MTA3: variants seen among roughly 807,000 people sequenced by gnomAD.
MTA3 encodes the protein metastasis associated 1 family member 3, also known as metastasis-associated protein MTA3.
MTA3 carries 34 observed loss-of-function variants against 83.5 expected under a neutral mutation model. That is an observed-to-expected ratio of 0.41 (90% CI 0.31 to 0.54). MTA3 has a LOEUF of 0.54. MTA3 is among the 20% of genes least tolerant of loss of function. The pLI is 0.33. For synonymous variants in MTA3, 303 were observed against 252.7 expected (o/e 1.20, Z -1.89); for missense variants, 761 against 726.4 (o/e 1.05, Z -0.55).
chr2:42,514,344 T>A (rs538019487), intron 2 of MTA3, among the ~76,000 whole-genome samples: 5 of 152,202 alleles, frequency 3.3e-5, no homozygotes, highest in Non-Finnish European at 5.9e-5. Context: ...ATACATATGC[T>A]TTTAAAATAT....
intron 2 of MTA3, among the ~76,000 whole-genome samples, chr2:42,525,094 G>A (rs1675625183): frequency 6.6e-6 from 1 of 151,186 alleles, no homozygotes; most frequent in Non-Finnish European, 1.5e-5. Context: ...ATCTCCTAAT[G>A]CTATCCCTCC....
At chr2:42,514,469 C>T (rs1477966727) in intron 2 of MTA3, among the ~76,000 whole-genome samples, 3 of 151,978 alleles carry the variant, frequency 2.0e-5, no homozygotes, top group African/African-American at 7.3e-5. Flanking sequence ...CTACAACCTC[C>T]ACCTCCAGGA....
rs745470004 is a variant in MTA3 at position 42,707,898 on chromosome 2, T to G, written c.1151-5T>G. 1.8e-5 allele frequency: 27 copies of G among 1,538,236 alleles called. No individual in the cohort carries two copies. The highest frequency in any genetic ancestry group is 1.8e-5 in the Non-Finnish European group (21 of 1,145,998). ...TCGTTTTTTCTTATTTTTCTTCTGCTTTAGCTACACAGTCTCACCAGTGGT... is the reference window on the plus strand; with the variant it reads ...TCGTTTTTTCTTATTTTTCTTCTGCGTTAGCTACACAGTCTCACCAGTGGT... On this transcript the variant is annotated splice_polypyrimidine_tract_variant and splice_region_variant and intron_variant, in intron 12 of 16. Coordinates refer to ENST00000405094, the MANE Select transcript of MTA3 (RefSeq NM_001330442.2).
chr2:42,570,691 T>C (rs544585982), intron 2 of MTA3, among the ~76,000 whole-genome samples, 187 bp downstream of exon 2: 2 of 151,968 alleles, frequency 1.3e-5, no homozygotes, highest in South Asian at 4.2e-4. Context: ...AGACCCTATC[T>C]CTTATTTTTT....
At position 42,665,764 on chromosome 2, in the gene MTA3, C is replaced by A. The variant is rs76114692; in HGVS notation, c.702+5902C>A. Among the ~76,000 whole-genome samples, 398 of 152,266 alleles carry A rather than the reference C, an allele frequency of 2.6e-3. 1 individual carries two copies. Among genetic ancestry groups the A allele is most frequent in the South Asian group, 4.8e-3 (23 of 4,816 alleles). Reference sequence around the variant, plus strand: ...TTTTGAGTTAGTTTGGAGCCTGATGCGCCTTCTAGAGAAGACTGTTTTACA... The same window carrying A: ...TTTTGAGTTAGTTTGGAGCCTGATGAGCCTTCTAGAGAAGACTGTTTTACA... On this transcript the variant is annotated intron_variant, in intron 8 of 16. Coordinates refer to ENST00000405094, the MANE Select transcript of MTA3 (RefSeq NM_001330442.2).
intron 2 of MTA3, among the ~76,000 whole-genome samples, chr2:42,553,445 T>G (rs1341162615): frequency 7.6e-6 from 1 of 131,116 alleles, no homozygotes; most frequent in African/African-American, 2.9e-5. Flanking sequence ...AAAATTAGGC[T>G]GGGTGTTGGG....
intron 8 of MTA3, among the ~76,000 whole-genome samples, chr2:42,662,800 C>T (rs1366237223): frequency 2.0e-5 from 3 of 150,556 alleles, no homozygotes; most frequent in African/African-American, 4.9e-5. Context: ...GGTGCGATCT[C>T]GGCTCACTGC....
intron 8 of MTA3, among the ~76,000 whole-genome samples, chr2:42,679,922 T>C (rs894961235): frequency 6.6e-6 from 1 of 152,086 alleles, no homozygotes; most frequent in Non-Finnish European, 1.5e-5. Flanking sequence ...ATTCTAAGTG[T>C]GTTTATAATA....
intron 2 of MTA3, among the ~76,000 whole-genome samples, chr2:42,522,922 G>A (rs1311113664): frequency 6.7e-6 from 1 of 148,496 alleles, no homozygotes; most frequent in Non-Finnish European, 1.5e-5. Flanking sequence ...TGATCTTCCT[G>A]TCTCAGCCTC....
chr2:42,558,050 TTTA>T (rs1309704108), intron 2 of MTA3, among the ~76,000 whole-genome samples: 6 of 152,124 alleles, frequency 3.9e-5, no homozygotes, highest in Non-Finnish European at 5.9e-5. Flanking sequence ...CCAGTGTTGA[TTTA>T]TTATTACTCT....
At chr2:42,611,710 G>T (rs1403438174) in intron 4 of MTA3, among the ~76,000 whole-genome samples, 1 of 152,074 alleles carries the variant, frequency 6.6e-6, no homozygotes, top group Non-Finnish European at 1.5e-5. Flanking sequence ...CAGCTAATTG[G>T]GGGGCTGAGG....
chr2:42,603,223 C>T (rs1292156932), intron 3 of MTA3, among the ~76,000 whole-genome samples: 1 of 151,580 alleles, frequency 6.6e-6, no homozygotes, highest in Non-Finnish European at 1.5e-5. Flanking sequence ...AGTTTTTACC[C>T]TAATGGTGGT....
At chr2:42,608,407 A>G (rs1683766642) in intron 3 of MTA3, among the ~76,000 whole-genome samples, 1 of 152,332 alleles carries the variant, frequency 6.6e-6, no homozygotes, top group South Asian at 2.1e-4. Context: ...TATCCAAAGA[A>G]TTTTAAATTG....
At chr2:42,671,443 A>C (rs1263678193) in intron 8 of MTA3, among the ~76,000 whole-genome samples, 1 of 152,116 alleles carries the variant, frequency 6.6e-6, no homozygotes, top group South Asian at 2.1e-4. Flanking sequence ...TAATTAAAAA[A>C]AAGTGGTACA....
At chr2:42,538,190 G>A (rs1307104593) in intron 2 of MTA3, among the ~76,000 whole-genome samples, 1 of 152,024 alleles carries the variant, frequency 6.6e-6, no homozygotes, top group Admixed American at 6.6e-5. Context: ...CTGAGATCAC[G>A]CCACTGGACT....
At chr2:42,663,686 G>A (rs933803595) in intron 8 of MTA3, among the ~76,000 whole-genome samples, 1 of 152,130 alleles carries the variant, frequency 6.6e-6, no homozygotes, top group Admixed American at 6.6e-5. Context: ...GATCCCTTGA[G>A]CCAAGAAGTT....
rs574162442 is a variant in MTA3, at chr2:42,691,116, A to G, written c.892-4649A>G. 3.2e-4 allele frequency among the ~76,000 whole-genome samples: 48 copies of G among 151,952 alleles called. No homozygotes were observed. The East Asian group carries it at 7.6e-3, about 24-fold the overall frequency. The stretch of plus-strand genomic sequence containing the variant: ...GGTCTTGAACTCCTGGCCTCAAGCA[A>G]TCCGCCCGCCTCGGCCTCCCAAAGT... On this transcript the variant is annotated intron_variant, in intron 9 of 16. Transcript: ENST00000405094.
At chr2:42,736,452 T>A (rs1189185983) in intron 16 of MTA3, among the ~76,000 whole-genome samples, 1 of 152,018 alleles carries the variant, frequency 6.6e-6, no homozygotes, top group African/African-American at 2.4e-5. Context: ...CCACCTGTGT[T>A]CACTCAAGGT....
intron 1 of MTA3, among the ~76,000 whole-genome samples, chr2:42,570,187 C>A (rs1286655819): frequency 1.3e-5 from 2 of 151,910 alleles, no homozygotes; most frequent in Non-Finnish European, 2.9e-5. Context: ...AAAGAAATGA[C>A]GTATTGGGAC....
Sources: allele counts gnomAD v4.1 joint callset (sites outside exome capture counted in the v4.1 genomes callset), GRCh38; gene constraint gnomAD v4.1.1; transcripts MANE v1.5; gene names NCBI Gene and HGNC (gene_info 2026-07-23, HGNC 2026-07-21).